PILRA: variants seen among roughly 807,000 people sequenced by gnomAD.
PILRA encodes paired immunoglobulin-like type 2 receptor alpha.
In PILRA, 37 loss-of-function variants were observed where a neutral mutation model predicts 33.1. That is an observed-to-expected ratio of 1.12 (90% CI 0.86 to 1.47). PILRA has a LOEUF of 1.47. Ranked by LOEUF, PILRA falls within the 40% of genes most tolerant of loss-of-function variation. PILRA has a pLI of 0.00. For synonymous variants in PILRA, 146 were observed against 149.9 expected (o/e 0.97, Z 0.19); for missense variants, 312 against 376.2 (o/e 0.83, Z 1.41).
At chr7:100,399,450 C>A in intron 5 of PILRA, 110 bp downstream of exon 5, 1 of 1,365,336 alleles carries the variant, frequency 7.3e-7, no homozygotes, top group Non-Finnish European at 1.0e-6. Context: ...TCTTTCCATT[C>A]CTTGCCCCTT....
At chr7:100,375,093 C>T (rs1321010164) in intron 2 of PILRA, among the ~76,000 whole-genome samples, 3 of 152,146 alleles carry the variant, frequency 2.0e-5, no homozygotes. Flanking sequence ...ATCCTTTACC[C>T]TCCTCACTTC....
intron 3 of PILRA, among the ~76,000 whole-genome samples, chr7:100,390,957 GCA>G (rs1157405245): frequency 3.1e-4 from 47 of 152,054 alleles, no homozygotes; most frequent in Admixed American, 1.2e-3. Context: ...CTGGGTCAGT[GCA>G]GTGCAGGGGT....
At chr7:100,382,904 C>T (rs954893773) in intron 2 of PILRA, among the ~76,000 whole-genome samples, 13 of 152,128 alleles carry the variant, frequency 8.5e-5, no homozygotes, top group African/African-American at 2.7e-4. Flanking sequence ...CCGGACACGC[C>T]GCCTTTAAGA....
At chr7:100,383,425 T>G (rs567559534) in intron 2 of PILRA, among the ~76,000 whole-genome samples, 2 of 152,244 alleles carry the variant, frequency 1.3e-5, no homozygotes, top group African/African-American at 2.4e-5. Flanking sequence ...AGACACTGAT[T>G]GGTAGAACGT....
chr7:100,386,485 C>A (rs1266772790), intron 2 of PILRA, among the ~76,000 whole-genome samples: 1 of 151,462 alleles, frequency 6.6e-6, no homozygotes, highest in Admixed American at 6.6e-5. Flanking sequence ...TTGTTGTTGA[C>A]AGAGTGACAC....
At chr7:100,373,125 G>C (rs1385058091), upstream of PILRA, among the ~76,000 whole-genome samples, 1 of 152,080 alleles carries the variant, frequency 6.6e-6, no homozygotes, top group Non-Finnish European at 1.5e-5. Context: ...TCTTCTGCTT[G>C]GGCTGGGGGC....
intron 3 of PILRA, 104 bp from the exon 4 acceptor site, chr7:100,397,775 C>A: frequency 8.2e-7 from 1 of 1,220,550 alleles, no homozygotes; most frequent in Non-Finnish European, 1.2e-6. Flanking sequence ...TCTGCTGCTC[C>A]GGTCCCTCTA....
At chr7:100,399,639 G>A in intron 6 of PILRA, 27 bp downstream of exon 6, 1 of 1,613,864 alleles carries the variant, frequency 6.2e-7, no homozygotes, top group Non-Finnish European at 8.5e-7. Context: ...GGGCCTGAAG[G>A]AATTAAAGAG....
chr7:100,381,768 T>C (rs1226663833), intron 2 of PILRA, among the ~76,000 whole-genome samples: 2 of 151,822 alleles, frequency 1.3e-5, no homozygotes, highest in Non-Finnish European at 2.9e-5. Context: ...GCGCGGCGCT[T>C]GCGGGCCAGC....
rs34944697 is a variant in PILRA, at chr7:100,376,761, C to CTTTT, written c.454+2350_454+2353dup. Reference sequence around the variant, plus strand: ...ACAGGTGTGAGCCACCTTGCTCTGCCTTTTTTTTTTTTTTTTTTTTTTTTT... The same window carrying CTTTT: ...ACAGGTGTGAGCCACCTTGCTCTGCCTTTTTTTTTTTTTTTTTTTTTTTTTTTTT... On this transcript the variant is annotated intron_variant, in intron 2 of 6. Transcript: ENST00000198536. 1.7e-3 allele frequency among the ~76,000 whole-genome samples: 129 copies of CTTTT among 75,036 alleles called. 3 individuals are homozygous for CTTTT. The highest frequency in any genetic ancestry group is 2.4e-3 in the Non-Finnish European group (96 of 40,560). The allele number at this position is 75,036 out of a possible 152,430, so 49.2% of individuals were successfully genotyped here.
intron 2 of PILRA, among the ~76,000 whole-genome samples, chr7:100,383,283 C>T (rs1432321690): frequency 2.0e-5 from 3 of 152,126 alleles, no homozygotes; most frequent in East Asian, 1.9e-4. Context: ...GGAACTGTGG[C>T]CTCTGGAGTC....
chr7:100,374,504 C>T, intron 2 of PILRA, 71 bp downstream of exon 2: 1 of 1,575,424 alleles, frequency 6.3e-7, no homozygotes, highest in Non-Finnish European at 8.7e-7. Context: ...GTGACATCGT[C>T]CCCAGCACCT....
intron 2 of PILRA, among the ~76,000 whole-genome samples, chr7:100,382,530 C>T (rs1310668592): frequency 6.6e-6 from 1 of 152,138 alleles, no homozygotes; most frequent in Non-Finnish European, 1.5e-5. Context: ...ATTGTAAATG[C>T]AACAATCAGC....
At chr7:100,381,904 C>CCA (rs1791105542) in intron 2 of PILRA, among the ~76,000 whole-genome samples, 1 of 152,188 alleles carries the variant, frequency 6.6e-6, no homozygotes, top group South Asian at 2.1e-4. Flanking sequence ...CCCAGCAGTG[C>CCA]CAGCCCACCG....
At chr7:100,389,156 G>C (rs1791321036) in intron 2 of PILRA, among the ~76,000 whole-genome samples, 1 of 152,102 alleles carries the variant, frequency 6.6e-6, no homozygotes, top group African/African-American at 2.4e-5. Flanking sequence ...CTGTGAAATG[G>C]GTGAAATCCC....
intron 2 of PILRA, among the ~76,000 whole-genome samples, chr7:100,379,434 G>A (rs1323361349): frequency 6.6e-6 from 1 of 152,016 alleles, no homozygotes; most frequent in Non-Finnish European, 1.5e-5. Flanking sequence ...TTGGGAGGCC[G>A]AGGAGGGTAG....
Position 100,374,372 on chromosome 7 carries a change from A to G in PILRA, c.393A>G (p.Thr131=). ...SVYFCRVELD[T]RSSGRQQWQS... ...ATTTCTGCCGAGTTGAGCTGGACAC[A>G]CGGAGCTCAGGGAGGCAGCAGTGGC... The change falls in exon 2 of 7, where the codon ACA becomes ACG. Residue 131 remains threonine, a synonymous_variant. Transcript: ENST00000198536. 1 of 1,614,052 alleles carries G rather than the reference A, an allele frequency of 6.2e-7. No homozygotes were observed. Among genetic ancestry groups the G allele is most frequent in the Non-Finnish European group, 8.5e-7 (1 of 1,179,988 alleles).
intron 2 of PILRA, among the ~76,000 whole-genome samples, chr7:100,389,414 C>T (rs1791325889): frequency 6.6e-6 from 1 of 152,118 alleles, no homozygotes; most frequent in Admixed American, 6.5e-5. Flanking sequence ...TTTTATGTTA[C>T]CTGTATTGGC....
chr7:100,372,328 G>A (rs1405815993), upstream of PILRA, among the ~76,000 whole-genome samples: 2 of 152,152 alleles, frequency 1.3e-5, no homozygotes, highest in African/African-American at 4.8e-5. Flanking sequence ...GGCTGGCCCT[G>A]GGAAGCACAG....
Sources: gnomAD v4.1 joint callset for allele counts (sites outside exome capture counted in the v4.1 genomes callset) on GRCh38, gnomAD v4.1.1 for gene constraint, MANE v1.5 for transcripts, NCBI Gene and HGNC (gene_info 2026-07-23, HGNC 2026-07-21) for gene names.